SEC61A2: variants seen among roughly 807,000 people sequenced by gnomAD.
SEC61A2 encodes SEC61 translocon subunit alpha 2.
A neutral mutation model predicts 59.9 loss-of-function variants in SEC61A2; 28 were observed. That is an observed-to-expected ratio of 0.47 (90% CI 0.35 to 0.64). SEC61A2 has a LOEUF of 0.64. Among genes scored for constraint, SEC61A2 ranks in the 30% least tolerant of loss-of-function variants. The pLI is 0.01. For missense variants in SEC61A2, 340 were observed against 585.9 expected (o/e 0.58, Z 4.33); for synonymous variants, 202 against 214.4 (o/e 0.94, Z 0.50).
intron 8 of SEC61A2, 28 bp from the exon 9 acceptor site, chr10:12,157,880 C>G: frequency 1.2e-6 from 2 of 1,606,168 alleles, no homozygotes; most frequent in Non-Finnish European, 1.7e-6. Flanking sequence ...GTCTGGCTCC[C>G]CCACTTACTC....
At position 12,164,846 on chromosome 10, in the gene SEC61A2, GCTTA is replaced by G. The variant is rs1207253141; in HGVS notation, c.*393_*396del. The stretch of plus-strand genomic sequence containing the variant: ...AATTGCCACTTTCCAGTATTTTTGA[GCTTA>G]TTTAATGAGTTCTGGAACATTTATA... On this transcript the variant is annotated 3_prime_UTR_variant, in exon 12 of 12. Transcript: ENST00000298428. The surrounding 1 kb of genome is among the most constrained non-coding windows in gnomAD (Gnocchi z 7.3). The G allele has an allele frequency of 3.0e-6, 3 of 1,002,214 alleles. No homozygotes were observed. The highest frequency in any genetic ancestry group is 1.7e-5 in the African/African-American group (1 of 57,370). 62.1% of individuals were successfully genotyped at this position (1,002,214 alleles called of 1,614,324 possible). A position where few individuals can be genotyped will look rare whatever the true frequency, so the allele number is the denominator to read the frequency against.
chr10:12,129,642 A>AGGGCGGAGTCTGCGCGGGGTT, upstream of SEC61A2: 1 of 719,306 alleles, frequency 1.4e-6, no homozygotes, highest in South Asian at 2.0e-5. This position sits in a 1 kb window ranked among gnomAD's most constrained non-coding sequence, Gnocchi z 5.6. Context: ...CAGGTGGCGA[A>AGGGCGGAGTCTGCGCGGGGTT]GGGCGGAGTC....
In SEC61A2 at chr10:12,154,359, T is replaced by C. The variant is rs1834348627; in HGVS notation, c.463-1419T>C. Among the ~76,000 whole-genome samples the C allele has an allele frequency of 6.6e-6, 1 of 152,130 alleles. No homozygotes were observed. Among genetic ancestry groups the C allele is most frequent in the African/African-American group, 2.4e-5 (1 of 41,428 alleles). ...TGGTCACTGTTCTGAACAGGGGGTG[T>C]GGAGAATTAGAGTTGTTTCAGAGCT... is the stretch of plus-strand genomic sequence containing the variant. On this transcript the variant is annotated intron_variant, in intron 6 of 11. Coordinates refer to ENST00000298428, the MANE Select transcript of SEC61A2 (RefSeq NM_018144.4). The surrounding 1 kb of genome is among the most constrained non-coding windows in gnomAD (Gnocchi z 5.2).
Position 12,155,853 on chromosome 10 carries a change from T to G in SEC61A2, c.538T>G (p.Ser180Ala), listed in dbSNP as rs767777963. 6.2e-7 allele frequency: 1 copy of G among 1,614,216 alleles called. No individual in the cohort carries two copies. The highest frequency in any genetic ancestry group is 1.1e-5 in the South Asian group (1 of 91,088). Reference protein sequence around the residue: ...QKGYGLGSGISLFIATNICET... With the variant: ...QKGYGLGSGIALFIATNICET... The stretch of plus-strand genomic sequence containing the variant: ...GGGTTACGGCTTGGGGTCTGGGATT[T>G]CCCTCTTTATTGCCACCAACATCTG... The change falls in exon 7 of 12, where the codon TCC becomes GCC. Residue 180 changes from serine (S) to alanine (A), a missense_variant. Transcript: ENST00000298428. The surrounding 1 kb of genome is among the most constrained non-coding windows in gnomAD (Gnocchi z 4.3).
chr10:12,164,170 A>T lies in SEC61A2; in HGVS notation c.1245-98A>T, dbSNP rs115618822. 1.8e-3 allele frequency: 2,525 copies of T among 1,410,508 alleles called. 33 individuals are homozygous for T. In the African/African-American group the frequency reaches 0.031, roughly 17 times the overall value. 87.4% of individuals were successfully genotyped at this position (1,410,508 alleles called of 1,614,324 possible). A position where few individuals can be genotyped will look rare whatever the true frequency, so the allele number is the denominator to read the frequency against. ...CCTCTGGAGTTCAGGGAGGCTTTAG[A>T]CCCAGCTATGGCTGCTGCGCCTCGA... On this transcript the variant is annotated intron_variant, in intron 11 of 11. Coordinates refer to ENST00000298428, the MANE Select transcript of SEC61A2 (RefSeq NM_018144.4). The surrounding 1 kb of genome is among the most constrained non-coding windows in gnomAD (Gnocchi z 7.3).
chr10:12,148,824 A>G lies in SEC61A2; in HGVS notation c.221-771A>G, dbSNP rs118179088. On this transcript the variant is annotated intron_variant, in intron 4 of 11. Transcript: ENST00000298428. Reference sequence around the variant, plus strand: ...CAGGCGTGAGCCACCACGCCTGGCCAATAAATCTATCTAATGTCTTAAACA... The same window carrying G: ...CAGGCGTGAGCCACCACGCCTGGCCGATAAATCTATCTAATGTCTTAAACA... Among the ~76,000 whole-genome samples the G allele has an allele frequency of 2.0e-3, 309 of 152,038 alleles. 1 individual carries two copies. The highest frequency in any genetic ancestry group is 6.9e-3 in the African/African-American group (285 of 41,480).
chr10:12,129,803 C>T lies in SEC61A2; in HGVS notation c.7+9C>T, dbSNP rs1164250744. The T allele has an allele frequency of 7.0e-7, 1 of 1,433,910 alleles. No individual in the cohort carries two copies. Among genetic ancestry groups the T allele is most frequent in the Middle Eastern group, 2.0e-4 (1 of 4,946 alleles). 88.8% of individuals were successfully genotyped at this position (1,433,910 alleles called of 1,614,324 possible). A position where few individuals can be genotyped will look rare whatever the true frequency, so the allele number is the denominator to read the frequency against. On this transcript the variant is annotated intron_variant, in intron 1 of 11. Coordinates refer to ENST00000298428, the MANE Select transcript of SEC61A2 (RefSeq NM_018144.4). The surrounding 1 kb of genome is among the most constrained non-coding windows in gnomAD (Gnocchi z 5.6). ...AGCAGCAGCCATGGGCAGTGAGTAG[C>T]GGCGGCTGGAGCGGGGACTCTGGCT...
At chr10:12,150,392 A>T (rs1396161509) in intron 6 of SEC61A2, among the ~76,000 whole-genome samples, 1 of 152,234 alleles carries the variant, frequency 6.6e-6, no homozygotes, top group Non-Finnish European at 1.5e-5. Flanking sequence ...TGCTGACCTT[A>T]GTTGGCTGAG....
intron 1 of SEC61A2, 74 bp from the exon 2 acceptor site, chr10:12,133,167 T>C (rs1833802019): frequency 1.2e-5 from 9 of 753,366 alleles, no homozygotes; most frequent in Non-Finnish European, 2.0e-5. Context: ...AATCTTTGTA[T>C]TTGATTTTCT....
Position 12,164,750 on chromosome 10 carries a change from G to A in SEC61A2, c.*296G>A. On this transcript the variant is annotated 3_prime_UTR_variant, in exon 12 of 12. Coordinates refer to ENST00000298428, the MANE Select transcript of SEC61A2 (RefSeq NM_018144.4). This position sits in a 1 kb window ranked among gnomAD's most constrained non-coding sequence, Gnocchi z 7.3. ...AATCATGACAGTGAGACGGTGAGAT[G>A]GATTCGTTTTGCACACAACATTCAA... 1.7e-6 allele frequency: 2 copies of A among 1,144,330 alleles called. No homozygotes were observed. Among genetic ancestry groups the A allele is most frequent in the Non-Finnish European group, 2.1e-6 (2 of 931,276 alleles). 70.9% of individuals were successfully genotyped at this position (1,144,330 alleles called of 1,614,324 possible).
Position 12,153,604 on chromosome 10 carries a change from T to G in SEC61A2, c.463-2174T>G, listed in dbSNP as rs1332181909. The G allele has an allele frequency of 3.2e-6, 3 of 938,978 alleles. No individual in the cohort carries two copies. The highest frequency in any genetic ancestry group is 1.7e-5 in the African/African-American group (1 of 59,720). The allele number at this position is 938,978 out of a possible 1,614,324, so 58.2% of individuals were successfully genotyped here. A position where few individuals can be genotyped will look rare whatever the true frequency, so the allele number is the denominator to read the frequency against. ...CCAAGAATGAAACAAGTGAAGTGGA[T>G]GTACACTGATTCATTTACATGAATT... On this transcript the variant is annotated intron_variant, in intron 6 of 11. Transcript: ENST00000298428. The surrounding 1 kb of genome is among the most constrained non-coding windows in gnomAD (Gnocchi z 5.2).
At position 12,129,688 on chromosome 10, in the gene SEC61A2, A is replaced by C; in HGVS notation, c.-100A>C. 1 of 1,186,982 alleles carries C rather than the reference A, an allele frequency of 8.4e-7. No homozygotes were observed. Among genetic ancestry groups the C allele is most frequent in the Non-Finnish European group, 1.2e-6 (1 of 858,994 alleles). The allele number at this position is 1,186,982 out of a possible 1,614,324, so 73.5% of individuals were successfully genotyped here. On this transcript the variant is annotated 5_prime_UTR_variant, in exon 1 of 12. Coordinates refer to ENST00000298428, the MANE Select transcript of SEC61A2 (RefSeq NM_018144.4). This position sits in a 1 kb window ranked among gnomAD's most constrained non-coding sequence, Gnocchi z 5.6. ...TGGGCGGAGCCTGCGCGGGGCCGGT[A>C]GGATCGCGTCGGGAGCCGGTACCGA...
downstream of SEC61A2, chr10:12,165,490 C>T (rs1221593265): frequency 7.6e-6 from 3 of 396,618 alleles, no homozygotes; most frequent in African/African-American, 6.6e-5. Flanking sequence ...AATGTAATTA[C>T]ACTTCAAACT....
intron 1 of SEC61A2, among the ~76,000 whole-genome samples, chr10:12,131,930 CAA>C (rs377207078): frequency 0.96 from 2,164 of 2,252 alleles, 1,082 homozygotes; most frequent in East Asian, 1. Context: ...CTCCTGACCT[CAA>C]GTGATCCGCC....
rs1834443904 is a variant in SEC61A2 at position 12,157,977 on chromosome 10, C to T, written c.847C>T (p.Leu283Phe). Residue 283 changes from leucine (L) to phenylalanine (F), a missense_variant, in exon 9 of 12, where the codon CTC becomes TTC. Around this residue, in one of 3 missense-constraint regions of SEC61A2, gnomAD observed 283 missense variants for 483.2 expected, o/e 0.59. Transcript: ENST00000298428. ...RGQYSSYPIK[L>F]FYTSNIPIIL... is the part of the protein sequence containing the mutation. ...ACAGTACAGCAGCTACCCCATCAAA[C>T]TCTTCTACACCTCCAACATCCCCAT... The T allele has an allele frequency of 6.2e-7, 1 of 1,614,190 alleles. No individual in the cohort carries two copies. Among genetic ancestry groups the T allele is most frequent in the Non-Finnish European group, 8.5e-7 (1 of 1,180,028 alleles).
Position 12,149,477 on chromosome 10 carries a change from T to C in SEC61A2, c.221-118T>C. On this transcript the variant is annotated intron_variant, in intron 4 of 11. Coordinates refer to ENST00000298428, the MANE Select transcript of SEC61A2 (RefSeq NM_018144.4). The surrounding 1 kb of genome is among the most constrained non-coding windows in gnomAD (Gnocchi z 5.2). ...CAAGTAGTGTTTAAGAAATGAAAATTTGCTTGTTAAAATTTTCACGTGTGT... is the reference window on the plus strand; with the variant it reads ...CAAGTAGTGTTTAAGAAATGAAAATCTGCTTGTTAAAATTTTCACGTGTGT... The C allele has an allele frequency of 1.2e-5, 11 of 952,930 alleles. No individual in the cohort carries two copies. The South Asian group carries it at 1.9e-4, about 17-fold the overall frequency. The allele number at this position is 952,930 out of a possible 1,614,324, so 59.0% of individuals were successfully genotyped here. A position where few individuals can be genotyped will look rare whatever the true frequency, so the allele number is the denominator to read the frequency against.
intron 3 of SEC61A2, among the ~76,000 whole-genome samples, chr10:12,136,651 A>G (rs1309474726): frequency 6.6e-6 from 1 of 151,798 alleles, no homozygotes; most frequent in African/African-American, 2.4e-5. Flanking sequence ...ATTTTTTGAG[A>G]TGGAGTTTCA....
rs567516837 is a variant in SEC61A2 at position 12,149,015 on chromosome 10, G to A, written c.221-580G>A. On this transcript the variant is annotated intron_variant, in intron 4 of 11. Transcript: ENST00000298428. The surrounding 1 kb of genome is among the most constrained non-coding windows in gnomAD (Gnocchi z 5.2). ...GAGTGGCCCAGGAAGTCTTGGCACT[G>A]TAGAATTACTTGATTCCATACCTTC... Among the ~76,000 whole-genome samples, 1 of 152,256 alleles carries A rather than the reference G, an allele frequency of 6.6e-6. No homozygotes were observed. Among genetic ancestry groups the A allele is most frequent in the East Asian group, 1.9e-4 (1 of 5,176 alleles).
At chr10:12,140,772 G>A (rs1005989696) in intron 3 of SEC61A2, among the ~76,000 whole-genome samples, 7 of 151,192 alleles carry the variant, frequency 4.6e-5, no homozygotes, top group Admixed American at 4.0e-4. Flanking sequence ...ATTTTTTTGT[G>A]TGTATTTTTA....
Sources: gnomAD v4.1 joint callset for allele counts (sites outside exome capture counted in the v4.1 genomes callset) on GRCh38, gnomAD v4.1.1 for gene constraint, gnomAD v4.1.1 regional missense constraint, Gnocchi (gnomAD v3.1) non-coding constraint, MANE v1.5 for transcripts, NCBI Gene and HGNC (gene_info 2026-07-23, HGNC 2026-07-21) for gene names.